PDZRN3: variants seen among roughly 807,000 people sequenced by gnomAD.
The protein encoded by PDZRN3 is PDZ domain containing ring finger 3.
Under a neutral mutation model 85.7 loss-of-function variants are expected in PDZRN3, and 38 were observed. The ratio of observed to expected loss-of-function variants is 0.44; its 90% confidence interval spans 0.34 to 0.58. The LOEUF is 0.58. Ranked by LOEUF, PDZRN3 falls within the 20% of genes least tolerant of loss-of-function variation. The pLI is 0.01. For missense variants in PDZRN3, 1,629 were observed against 1,506.4 expected, an observed-to-expected ratio of 1.08 and a Z score of -1.35; for synonymous variants, 759 against 638.0, an observed-to-expected ratio of 1.19 and a Z score of -2.86.
At chr3:73,423,241 T>C (rs1702238301) in intron 3 of PDZRN3, among the ~76,000 whole-genome samples, 2 of 152,162 alleles carry the variant, frequency 1.3e-5, no homozygotes, top group South Asian at 2.1e-4. Flanking sequence ...TAAAGGAAAA[T>C]TGGTTCATAT....
chr3:73,574,302 GA>G (rs1324824772), intron 3 of PDZRN3, among the ~76,000 whole-genome samples: 7 of 152,148 alleles, frequency 4.6e-5, no homozygotes, highest in Non-Finnish European at 1.0e-4. Context: ...CTTGCCCTAG[GA>G]TAAAACCAAA....
At chr3:73,541,999 G>A (rs1429345999) in intron 3 of PDZRN3, among the ~76,000 whole-genome samples, 1 of 152,148 alleles carries the variant, frequency 6.6e-6, no homozygotes, top group Admixed American at 6.6e-5. Context: ...TAGACCCCGA[G>A]CTACTGATAA....
At chr3:73,410,264 G>C (rs980600150) in intron 3 of PDZRN3, among the ~76,000 whole-genome samples, 1 of 152,178 alleles carries the variant, frequency 6.6e-6, no homozygotes, top group Admixed American at 6.5e-5. Context: ...CTAGGGCTTG[G>C]AGAAGGGAAG....
chr3:73,608,427 G>A (rs565072702), intron 2 of PDZRN3, among the ~76,000 whole-genome samples, 171 bp downstream of exon 2: 6 of 152,144 alleles, frequency 3.9e-5, no homozygotes, highest in East Asian at 1.9e-4. Flanking sequence ...AGGAGACTAC[G>A]CAATAAAAAT....
chr3:73,493,504 C>A (rs967039994), intron 3 of PDZRN3, among the ~76,000 whole-genome samples: 1 of 152,102 alleles, frequency 6.6e-6, no homozygotes, highest in Non-Finnish European at 1.5e-5. Flanking sequence ...ACACCGCCCC[C>A]ACCTCCCCCA....
chr3:73,592,874 C>T (rs1702378780), intron 3 of PDZRN3, among the ~76,000 whole-genome samples: 1 of 152,166 alleles, frequency 6.6e-6, no homozygotes, highest in Non-Finnish European at 1.5e-5. Flanking sequence ...CTCTTTCCGC[C>T]TGTTCATAGC....
chr3:73,460,993 C>T (rs1036139677), intron 3 of PDZRN3, among the ~76,000 whole-genome samples: 1 of 152,104 alleles, frequency 6.6e-6, no homozygotes, highest in Non-Finnish European at 1.5e-5. Flanking sequence ...AGGGCTTCAT[C>T]ATGTTGGCCA....
At chr3:73,430,517 T>C (rs1215593698) in intron 3 of PDZRN3, among the ~76,000 whole-genome samples, 1 of 152,172 alleles carries the variant, frequency 6.6e-6, no homozygotes, top group Non-Finnish European at 1.5e-5. Context: ...TGGCACTCTG[T>C]TCCCCTCTTC....
chr3:73,390,685 TGTAA>T (rs1701505541), intron 6 of PDZRN3, among the ~76,000 whole-genome samples: 1 of 147,288 alleles, frequency 6.8e-6, no homozygotes, highest in Non-Finnish European at 1.5e-5. Context: ...CTTTAAAAAG[TGTAA>T]GTGATTCCAT....
chr3:73,500,938 T>C (rs1437854011), intron 3 of PDZRN3, among the ~76,000 whole-genome samples: 2 of 152,166 alleles, frequency 1.3e-5, no homozygotes, highest in Non-Finnish European at 2.9e-5. Context: ...TCTTACTTGG[T>C]GTTTTGCCTC....
chr3:73,545,426 C>A (rs1033488108), intron 3 of PDZRN3, among the ~76,000 whole-genome samples: 1 of 152,150 alleles, frequency 6.6e-6, no homozygotes, highest in African/African-American at 2.4e-5. Context: ...ATATGTTCTA[C>A]AACTTTAGCT....
At chr3:73,477,931 G>A (rs559178211) in intron 3 of PDZRN3, among the ~76,000 whole-genome samples, 2 of 152,252 alleles carry the variant, frequency 1.3e-5, no homozygotes, top group South Asian at 2.1e-4. Context: ...CAGATCTTGT[G>A]AGACTTATTC....
chr3:73,479,302 T>G (rs1703515812), intron 3 of PDZRN3, among the ~76,000 whole-genome samples: 1 of 152,142 alleles, frequency 6.6e-6, no homozygotes, highest in Non-Finnish European at 1.5e-5. Flanking sequence ...GTTTTCAAGT[T>G]GTAAAGAGAC....
intron 5 of PDZRN3, among the ~76,000 whole-genome samples, chr3:73,394,777 A>C (rs1338746504): frequency 6.6e-6 from 1 of 152,208 alleles, no homozygotes; most frequent in Non-Finnish European, 1.5e-5. Context: ...TTTTCAAGGG[A>C]TGGTTCAACA....
In PDZRN3 at chr3:73,579,828, CTGTG is replaced by C. The variant is rs893894162; in HGVS notation, c.918+22522_918+22525del. On this transcript the variant is annotated intron_variant, in intron 3 of 9. Transcript: ENST00000263666. ...CTATCCCATTATGTATGGAGTGTCT[CTGTG>C]TGTGTGTGTGTGTATATATATTTAT... 5.9e-4 allele frequency among the ~76,000 whole-genome samples: 89 copies of C among 151,160 alleles called. 1 individual carries two copies. The highest frequency in any genetic ancestry group is 2.1e-3 in the African/African-American group (85 of 41,210).
intron 1 of PDZRN3, among the ~76,000 whole-genome samples, chr3:73,610,901 A>G (rs1023115005): frequency 2.0e-5 from 3 of 152,242 alleles, no homozygotes; most frequent in African/African-American, 7.2e-5. Flanking sequence ...TGTGCCAGAA[A>G]CTATACTGAC....
chr3:73,483,470 G>T (rs4677289), intron 3 of PDZRN3, among the ~76,000 whole-genome samples: 146,605 of 152,308 alleles, frequency 0.96, 70,580 homozygotes, highest in South Asian at 0.99. Context: ...AAGAAGAAAT[G>T]TATTTTTGCA....
At chr3:73,615,869 CTAAA>C (rs1295258617) in intron 1 of PDZRN3, among the ~76,000 whole-genome samples, 3 of 152,102 alleles carry the variant, frequency 2.0e-5, no homozygotes, top group African/African-American at 4.8e-5. Flanking sequence ...ATTTTCTTCC[CTAAA>C]TAAAGAAAAA....
At chr3:73,457,265 G>A (rs976720021) in intron 3 of PDZRN3, among the ~76,000 whole-genome samples, 2 of 151,918 alleles carry the variant, frequency 1.3e-5, no homozygotes, top group Non-Finnish European at 2.9e-5. Flanking sequence ...TAGAGATGAG[G>A]TTTTACCACG....
Sources: allele counts gnomAD v4.1 joint callset (sites outside exome capture counted in the v4.1 genomes callset), GRCh38; gene constraint gnomAD v4.1.1; transcripts MANE v1.5; gene names NCBI Gene and HGNC (gene_info 2026-07-23, HGNC 2026-07-21).